ASH1L: variants seen among roughly 807,000 people sequenced by gnomAD.
ASH1L encodes the protein ASH1 like histone lysine methyltransferase.
A neutral mutation model predicts 269.0 loss-of-function variants in ASH1L; 23 were observed. The observed-to-expected ratio is 0.09, with a 90% CI of 0.06 to 0.12. The LOEUF (loss-of-function observed/expected upper bound fraction) is 0.12, where lower values mean the gene tolerates loss of function less well. Among genes scored for constraint, ASH1L ranks in the 10% least tolerant of loss-of-function variants. ASH1L has a pLI of 1.00. For missense variants in ASH1L, 2,912 were observed against 3,567.8 expected, an observed-to-expected ratio of 0.82 and a Z score of 4.68; for synonymous variants, 1,187 against 1,253.5, an observed-to-expected ratio of 0.95 and a Z score of 1.12.
intron 3 of ASH1L, among the ~76,000 whole-genome samples, chr1:155,474,957 A>G (rs1302255979): frequency 6.6e-6 from 1 of 152,150 alleles, no homozygotes; most frequent in African/African-American, 2.4e-5. Context: ...CCTAAAATCA[A>G]TACTCCTTTG....
chr1:155,515,306 A>G (rs1451557777), intron 2 of ASH1L, among the ~76,000 whole-genome samples: 4 of 152,224 alleles, frequency 2.6e-5, no homozygotes, highest in Non-Finnish European at 1.5e-5. Flanking sequence ...ACCTCTCGTC[A>G]ACCAGCTACC....
At chr1:155,544,423 A>G (rs932405662) in intron 1 of ASH1L, among the ~76,000 whole-genome samples, 1 of 151,966 alleles carries the variant, frequency 6.6e-6, no homozygotes, top group Non-Finnish European at 1.5e-5. Context: ...AGTAGCTGGA[A>G]CTATAGGTGC....
At position 155,399,656 on chromosome 1, in the gene ASH1L, A is replaced by C. The variant is rs533600406; in HGVS notation, c.6009-4103T>G. ...TGTCCCACCCCAACCCCCACCCCCC[A>C]AAAAAAACAGAATGTGATAAAACTC... is the stretch of plus-strand genomic sequence containing the variant. On this transcript the variant is annotated intron_variant, in intron 6 of 27. Transcript: ENST00000392403. Among the ~76,000 whole-genome samples, 555 of 106,286 alleles carry C rather than the reference A, an allele frequency of 5.2e-3. 2 individuals are homozygous for C. Among genetic ancestry groups the C allele is most frequent in the East Asian group, 0.015 (51 of 3,462 alleles). The allele number at this position is 106,286 out of a possible 152,430, so 69.7% of individuals were successfully genotyped here.
chr1:155,516,700 T>C (rs1389092332), intron 2 of ASH1L, among the ~76,000 whole-genome samples: 3 of 151,970 alleles, frequency 2.0e-5, no homozygotes, highest in Admixed American at 6.6e-5. Context: ...GTCCAGGAGT[T>C]TGGGGCTACA....
Position 155,357,529 on chromosome 1 carries a change from T to G in ASH1L, c.6960+56A>C, listed in dbSNP as rs1337068662. ...CTGGTAATTCCCTTATTCCAGCAAT[T>G]GCCTCAAAGCATCTCATGAACAGCT... On this transcript the variant is annotated intron_variant, in intron 14 of 27. Transcript: ENST00000392403. 1.9e-6 allele frequency: 3 copies of G among 1,607,002 alleles called. No individual in the cohort carries two copies. The African/African-American group carries it at 4.0e-5, about 22-fold the overall frequency.
At chr1:155,466,833 T>C (rs1202814790) in intron 3 of ASH1L, among the ~76,000 whole-genome samples, 5 of 152,186 alleles carry the variant, frequency 3.3e-5, no homozygotes, top group Non-Finnish European at 5.9e-5. Flanking sequence ...GTGTGTCTTA[T>C]AAACAGCACT....
At chr1:155,516,450 C>T (rs1368358301) in intron 2 of ASH1L, among the ~76,000 whole-genome samples, 1 of 152,016 alleles carries the variant, frequency 6.6e-6, no homozygotes, top group Non-Finnish European at 1.5e-5. Flanking sequence ...ACAAATTGTT[C>T]AAGCTAATAA....
chr1:155,518,935 A>T (rs1394112758), intron 2 of ASH1L, among the ~76,000 whole-genome samples: 5 of 152,214 alleles, frequency 3.3e-5, no homozygotes, highest in African/African-American at 1.2e-4. Context: ...ATGAAACAGT[A>T]TAGCCACTGT....
At chr1:155,494,640 G>A (rs1049771008) in intron 2 of ASH1L, among the ~76,000 whole-genome samples, 1 of 152,134 alleles carries the variant, frequency 6.6e-6, no homozygotes, top group East Asian at 1.9e-4. Context: ...TTTTAGTAAC[G>A]ACAGAAGTGA....
Position 155,512,696 on chromosome 1 carries a change from C to G in ASH1L, c.420+8404G>C, listed in dbSNP as rs1206187584. ...CAAATTCCTGACCTCAAGTGATCCA[C>G]CCGCCTCGGCCTCCCAAAGTGCTGC... On this transcript the variant is annotated intron_variant, in intron 2 of 27. Coordinates refer to ENST00000392403, the MANE Select transcript of ASH1L (RefSeq NM_018489.3). 7.3e-5 allele frequency among the ~76,000 whole-genome samples: 11 copies of G among 151,654 alleles called. No homozygotes were observed. The East Asian group carries it at 2.2e-3, about 30-fold the overall frequency.
intron 1 of ASH1L, among the ~76,000 whole-genome samples, chr1:155,523,285 A>G (rs972955510): frequency 6.6e-6 from 1 of 152,132 alleles, no homozygotes; most frequent in African/African-American, 2.4e-5. Flanking sequence ...CTTTGAGCCC[A>G]GGAGTTTGAG....
At chr1:155,464,636 A>G (rs1321783091) in intron 3 of ASH1L, among the ~76,000 whole-genome samples, 4 of 152,224 alleles carry the variant, frequency 2.6e-5, no homozygotes, top group Admixed American at 6.5e-5. Context: ...GCAGACTACT[A>G]GTAAAGAGGA....
intron 2 of ASH1L, chr1:155,520,316 C>G (rs987197321): frequency 2.2e-5 from 3 of 135,280 alleles, no homozygotes; most frequent in African/African-American, 8.5e-5. Context: ...GCCGAGATCG[C>G]ACCACTGCAC....
intron 6 of ASH1L, among the ~76,000 whole-genome samples, chr1:155,406,613 G>A (rs1659312873): frequency 6.6e-6 from 1 of 152,150 alleles, no homozygotes. Context: ...TGAGGAAGGA[G>A]GATGGTTTGA....
chr1:155,345,901 G>C, intron 21 of ASH1L: 1 of 305,250 alleles, frequency 3.3e-6, no homozygotes, highest in East Asian at 9.6e-5. Context: ...GCATGATCTT[G>C]GCTTACTGCA....
At chr1:155,471,767 A>G (rs1200360719) in intron 3 of ASH1L, among the ~76,000 whole-genome samples, 1 of 152,230 alleles carries the variant, frequency 6.6e-6, no homozygotes, top group African/African-American at 2.4e-5. Flanking sequence ...CGAAGTTGCA[A>G]ATTTTTAGCA....
intron 17 of ASH1L, among the ~76,000 whole-genome samples, chr1:155,351,828 G>A (rs1271360135): frequency 1.3e-5 from 2 of 151,292 alleles, no homozygotes; most frequent in African/African-American, 2.4e-5. Flanking sequence ...TCCAGCCTGC[G>A]TGACAGAGTG....
At chr1:155,559,528 C>T (rs1198275396) in intron 1 of ASH1L, among the ~76,000 whole-genome samples, 1 of 117,000 alleles carries the variant, frequency 8.5e-6, no homozygotes, top group Non-Finnish European at 1.7e-5. Flanking sequence ...GAGTGAAACT[C>T]AGTCTCAAAA....
At chr1:155,540,331 C>T (rs977394303) in intron 1 of ASH1L, among the ~76,000 whole-genome samples, 1 of 152,154 alleles carries the variant, frequency 6.6e-6, no homozygotes, top group African/African-American at 2.4e-5. Flanking sequence ...GTTCAATAAA[C>T]TAATATATGA....
Sources: allele counts gnomAD v4.1 joint callset (sites outside exome capture counted in the v4.1 genomes callset), GRCh38; gene constraint gnomAD v4.1.1; transcripts MANE v1.5; gene names NCBI Gene and HGNC (gene_info 2026-07-23, HGNC 2026-07-21).